OPCML: variants seen among roughly 807,000 people sequenced by gnomAD.
OPCML encodes the protein opioid binding protein/cell adhesion molecule like.
Under a neutral mutation model 37.8 loss-of-function variants are expected in OPCML, and 13 were observed. The observed-to-expected ratio is 0.34, with a 90% CI of 0.22 to 0.55. The LOEUF is 0.55. Among genes scored for constraint, OPCML ranks in the 20% least tolerant of loss-of-function variants. The pLI, the probability that OPCML is intolerant of heterozygous loss-of-function variation, is 0.91. For missense variants in OPCML, 341 were observed against 435.6 expected (o/e 0.78, Z 1.93); for synonymous variants, 176 against 168.8 (o/e 1.04, Z -0.33).
intron 2 of OPCML, among the ~76,000 whole-genome samples, chr11:132,752,218 G>A (rs1945859664): frequency 1.3e-5 from 2 of 151,236 alleles, no homozygotes; most frequent in South Asian, 4.2e-4. Flanking sequence ...TGTGTATTTT[G>A]AAGTTTGTTG....
chr11:133,377,612 G>GAAAAAAA lies in OPCML; in HGVS notation c.61+154645_61+154651dup, dbSNP rs71477791. ...GCTCTCTCTGACGTGCCAGTATTCAGAAAAAAAAAAAAAAAGAGCACCAAG... is the reference window on the plus strand; with the variant it reads ...GCTCTCTCTGACGTGCCAGTATTCAGAAAAAAAAAAAAAAAAAAAAAAGAGCACCAAG... On this transcript the variant is annotated intron_variant, in intron 1 of 7. Coordinates refer to ENST00000524381, the MANE Select transcript of OPCML (RefSeq NM_001012393.5). Among the ~76,000 whole-genome samples, 22 of 79,088 alleles carry GAAAAAAA rather than the reference G, an allele frequency of 2.8e-4. 2 individuals are homozygous for GAAAAAAA. In the South Asian group the frequency reaches 4.5e-3, roughly 16 times the overall value. The allele number at this position is 79,088 out of a possible 152,430, so 51.9% of individuals were successfully genotyped here.
At chr11:132,459,849 C>T (rs768125952) in intron 4 of OPCML, among the ~76,000 whole-genome samples, 7 of 152,170 alleles carry the variant, frequency 4.6e-5, no homozygotes, top group Non-Finnish European at 1.0e-4. Flanking sequence ...TTCCAAAGTT[C>T]TAATTTTAGC....
chr11:132,430,419 A>C (rs1340836709), intron 7 of OPCML, among the ~76,000 whole-genome samples: 2 of 152,210 alleles, frequency 1.3e-5, no homozygotes, highest in Non-Finnish European at 2.9e-5. Flanking sequence ...CTCTGGCAGA[A>C]GGAAGTCCGG....
At position 132,545,852 on chromosome 11, in the gene OPCML, A is replaced by G. The variant is rs577444237; in HGVS notation, c.380-16666T>C. Among the ~76,000 whole-genome samples, 129 of 152,346 alleles carry G rather than the reference A, an allele frequency of 8.5e-4. 1 individual carries two copies. Among genetic ancestry groups the G allele is most frequent in the Admixed American group, 6.1e-3 (93 of 15,294 alleles). On this transcript the variant is annotated intron_variant, in intron 3 of 7. Transcript: ENST00000524381. The stretch of plus-strand genomic sequence containing the variant: ...ATCCACAGAATGTGAGTTGATTTCA[A>G]TATTCAACATTTTGCTATTACAATT...
intron 2 of OPCML, among the ~76,000 whole-genome samples, chr11:132,669,961 C>A (rs1942389030): frequency 6.6e-6 from 1 of 152,098 alleles, no homozygotes; most frequent in African/African-American, 2.4e-5. Flanking sequence ...CCACCCAGAA[C>A]AATTCTTGTT....
chr11:132,781,159 GC>G (rs1946995869), intron 2 of OPCML, among the ~76,000 whole-genome samples: 1 of 152,104 alleles, frequency 6.6e-6, no homozygotes, highest in Admixed American at 6.5e-5. Flanking sequence ...GCCACAGCGT[GC>G]CCAGACATTT....
intron 4 of OPCML, among the ~76,000 whole-genome samples, chr11:132,517,265 G>C (rs1197550186): frequency 6.6e-6 from 1 of 152,138 alleles, no homozygotes; most frequent in Non-Finnish European, 1.5e-5. Flanking sequence ...TTTTACCCTA[G>C]GGATGTAGAG....
At chr11:133,238,478 A>T (rs1241038922) in intron 1 of OPCML, among the ~76,000 whole-genome samples, 3 of 152,188 alleles carry the variant, frequency 2.0e-5, no homozygotes, top group Admixed American at 2.0e-4. Flanking sequence ...AATTTCACTC[A>T]TATCTTTCTA....
chr11:132,544,686 T>C (rs2096364831), intron 3 of OPCML, among the ~76,000 whole-genome samples: 2 of 152,194 alleles, frequency 1.3e-5, no homozygotes, highest in African/African-American at 4.8e-5. Flanking sequence ...AGTTCAGTGC[T>C]TTCAACTACA....
chr11:133,331,393 G>A (rs989997459), intron 1 of OPCML, among the ~76,000 whole-genome samples: 10 of 152,102 alleles, frequency 6.6e-5, no homozygotes, highest in African/African-American at 1.2e-4. Context: ...GAGGAGTGTC[G>A]CCATTTCCAC....
chr11:133,270,014 G>A (rs1941780115), intron 1 of OPCML, among the ~76,000 whole-genome samples: 1 of 152,146 alleles, frequency 6.6e-6, no homozygotes, highest in Non-Finnish European at 1.5e-5. Flanking sequence ...GATGATACTT[G>A]GGAGCTCCTG....
rs114828084 is a variant in OPCML at position 133,147,945 on chromosome 11, T to C, written c.62-204935A>G. On this transcript the variant is annotated intron_variant, in intron 1 of 7. Transcript: ENST00000524381. ...TGCAGTTGTTACTCAGCGAACGCTTTCTTCCTCCTGCCCATCTCTCATCCC... is the reference window on the plus strand; with the variant it reads ...TGCAGTTGTTACTCAGCGAACGCTTCCTTCCTCCTGCCCATCTCTCATCCC... Among the ~76,000 whole-genome samples the C allele has an allele frequency of 8.6e-3, 1,307 of 152,302 alleles. 16 individuals carry two copies. Among genetic ancestry groups the C allele is most frequent in the African/African-American group, 0.03 (1,258 of 41,560 alleles).
At chr11:133,153,144 C>A (rs1950010905) in intron 1 of OPCML, among the ~76,000 whole-genome samples, 1 of 152,130 alleles carries the variant, frequency 6.6e-6, no homozygotes, top group African/African-American at 2.4e-5. Flanking sequence ...CCACATTCTG[C>A]AGCAGCTCAG....
intron 2 of OPCML, among the ~76,000 whole-genome samples, chr11:132,684,895 C>T (rs1228534875): frequency 6.6e-6 from 1 of 152,160 alleles, no homozygotes; most frequent in Non-Finnish European, 1.5e-5. Flanking sequence ...TTTTAAAAAA[C>T]AGTTTGGGCT....
intron 2 of OPCML, chr11:132,860,468 T>C (rs890402648): frequency 1.3e-5 from 2 of 152,172 alleles, no homozygotes; most frequent in Non-Finnish European, 2.9e-5. Context: ...ATGATAACCT[T>C]ATTAAATTAC....
intron 1 of OPCML, among the ~76,000 whole-genome samples, chr11:133,248,324 T>C (rs1208251361): frequency 6.6e-6 from 1 of 152,206 alleles, no homozygotes; most frequent in Non-Finnish European, 1.5e-5. Flanking sequence ...GGCGTACCTT[T>C]GAGCAGAAGG....
At chr11:132,581,594 A>G (rs2096462055) in intron 3 of OPCML, among the ~76,000 whole-genome samples, 1 of 152,198 alleles carries the variant, frequency 6.6e-6, no homozygotes, top group Non-Finnish European at 1.5e-5. Context: ...AAACTAAGGC[A>G]GAGAAGAGAG....
chr11:132,607,409 G>T (rs547507275), intron 3 of OPCML, among the ~76,000 whole-genome samples: 1 of 152,296 alleles, frequency 6.6e-6, no homozygotes, highest in Non-Finnish European at 1.5e-5. Flanking sequence ...CGGAGCTTTT[G>T]TCTCTGAAGG....
At chr11:133,070,309 A>G (rs996032162) in intron 1 of OPCML, among the ~76,000 whole-genome samples, 5 of 152,152 alleles carry the variant, frequency 3.3e-5, no homozygotes, top group African/African-American at 1.2e-4. Flanking sequence ...GCAACTTCCA[A>G]TGTCAATTTT....
Sources: allele counts gnomAD v4.1 joint callset (sites outside exome capture counted in the v4.1 genomes callset), GRCh38; gene constraint gnomAD v4.1.1; transcripts MANE v1.5; gene names NCBI Gene and HGNC (gene_info 2026-07-23, HGNC 2026-07-21).